Variants in RBFOX1 observed in about 807,000 individuals in gnomAD.
RBFOX1 encodes RNA binding protein fox-1 homolog 1.
A neutral mutation model predicts 57.7 loss-of-function variants in RBFOX1; 8 were observed. The ratio of observed to expected loss-of-function variants is 0.14; its 90% confidence interval spans 0.08 to 0.25. RBFOX1 has a LOEUF of 0.25. Ranked by LOEUF, RBFOX1 falls within the 10% of genes least tolerant of loss-of-function variation. The probability of loss-of-function intolerance (pLI) is 1.00; values close to 1 mark genes in which losing one functional copy is unlikely to be tolerated. For synonymous variants in RBFOX1, 326 were observed against 222.4 expected, an observed-to-expected ratio of 1.47 and a Z score of -4.15; for missense variants, 611 against 548.5, an observed-to-expected ratio of 1.11 and a Z score of -1.14.
chr16:6,804,085 C>T (rs183409547), intron 3 of RBFOX1, among the ~76,000 whole-genome samples: 1 of 152,010 alleles, frequency 6.6e-6, no homozygotes, highest in Non-Finnish European at 1.5e-5. Context: ...CAGCTCGCTG[C>T]AACCTCTGCC....
chr16:6,373,120 G>A (rs936820753), intron 2 of RBFOX1, among the ~76,000 whole-genome samples: 1 of 152,190 alleles, frequency 6.6e-6, no homozygotes, highest in African/African-American at 2.4e-5. Context: ...AGATTGGGTG[G>A]AAGTATAACT....
At chr16:6,157,251 A>C (rs1597877972) in intron 1 of RBFOX1, among the ~76,000 whole-genome samples, 1 of 152,302 alleles carries the variant, frequency 6.6e-6, no homozygotes, top group Admixed American at 6.5e-5. Context: ...TGATGATACA[A>C]CTTTCAGTGT....
chr16:6,303,171 A>G (rs2079024405), intron 1 of RBFOX1, among the ~76,000 whole-genome samples: 1 of 152,180 alleles, frequency 6.6e-6, no homozygotes, highest in African/African-American at 2.4e-5. Context: ...CTCAGGTTGA[A>G]ATGAATTCTG....
intron 3 of RBFOX1, among the ~76,000 whole-genome samples, chr16:6,879,871 G>A (rs891549934): frequency 6.6e-6 from 1 of 152,164 alleles, no homozygotes; most frequent in African/African-American, 2.4e-5. Flanking sequence ...TCTCATAAAT[G>A]TGCAATCTTG....
At chr16:7,496,470 A>G (rs569747407) in intron 4 of RBFOX1, among the ~76,000 whole-genome samples, 2 of 152,234 alleles carry the variant, frequency 1.3e-5, no homozygotes, top group South Asian at 4.1e-4. Flanking sequence ...AAATGGGGAT[A>G]GTGATATCTA....
At chr16:7,136,300 C>A (rs1376909304) in intron 4 of RBFOX1, among the ~76,000 whole-genome samples, 1 of 151,950 alleles carries the variant, frequency 6.6e-6, no homozygotes, top group East Asian at 1.9e-4. Context: ...CAGTTTGTCT[C>A]ATATTAGCCA....
intron 3 of RBFOX1, among the ~76,000 whole-genome samples, chr16:5,768,505 G>A (rs1330092725): frequency 6.6e-6 from 1 of 152,162 alleles, no homozygotes; most frequent in Admixed American, 6.5e-5. Flanking sequence ...ATAGCTACAG[G>A]TGCAAAATGC....
chr16:7,490,924 A>T (rs8057711), intron 4 of RBFOX1, among the ~76,000 whole-genome samples: 140,755 of 152,226 alleles, frequency 0.92, 66,092 homozygotes, highest in East Asian at 1. Flanking sequence ...ATTCTTAGAC[A>T]GTTTCAATCT....
chr16:6,891,226 T>C (rs1053127996), intron 3 of RBFOX1, among the ~76,000 whole-genome samples: 8 of 152,198 alleles, frequency 5.3e-5, no homozygotes, highest in African/African-American at 1.7e-4. Context: ...CTACAAATTA[T>C]AGAATATGAA....
intron 4 of RBFOX1, among the ~76,000 whole-genome samples, chr16:7,432,899 A>C (rs943754920): frequency 6.6e-6 from 1 of 152,238 alleles, no homozygotes; most frequent in Non-Finnish European, 1.5e-5. Context: ...CAGAATCAAC[A>C]GCCTTATGGT....
At chr16:7,422,380 G>C (rs542051176) in intron 4 of RBFOX1, among the ~76,000 whole-genome samples, 2 of 152,084 alleles carry the variant, frequency 1.3e-5, no homozygotes, top group East Asian at 1.9e-4. Context: ...GCAAGCAATC[G>C]GAGGTAATAA....
chr16:6,851,130 G>A (rs560758627), intron 3 of RBFOX1, among the ~76,000 whole-genome samples: 1 of 152,170 alleles, frequency 6.6e-6, no homozygotes, highest in Non-Finnish European at 1.5e-5. Flanking sequence ...TGGAAAAAAA[G>A]CCCATTTCTA....
At chr16:7,452,219 C>G (rs1011909350) in intron 4 of RBFOX1, among the ~76,000 whole-genome samples, 3 of 152,142 alleles carry the variant, frequency 2.0e-5, no homozygotes, top group Admixed American at 6.5e-5. Flanking sequence ...AAATGTCAGA[C>G]CTTTCAGCTG....
intron 4 of RBFOX1, among the ~76,000 whole-genome samples, chr16:5,906,531 G>A (rs926166644): frequency 6.6e-6 from 1 of 152,080 alleles, no homozygotes; most frequent in African/African-American, 2.4e-5. Context: ...ATACATGTTT[G>A]TTGTTTAAGC....
chr16:5,798,130 A>G (rs569760297), intron 3 of RBFOX1, among the ~76,000 whole-genome samples: 131 of 152,326 alleles, frequency 8.6e-4, no homozygotes, highest in African/African-American at 3.0e-3. Flanking sequence ...TTTGAAAGCC[A>G]GGGATAAAAA....
At chr16:7,127,026 A>T (rs918930964) in intron 4 of RBFOX1, among the ~76,000 whole-genome samples, 34 of 151,990 alleles carry the variant, frequency 2.2e-4, no homozygotes, top group African/African-American at 7.7e-4. Context: ...AAAAAAAAAA[A>T]AAATTATTGC....
At chr16:7,586,400 G>C (rs2094128380) in intron 6 of RBFOX1, among the ~76,000 whole-genome samples, 1 of 152,160 alleles carries the variant, frequency 6.6e-6, no homozygotes, top group Non-Finnish European at 1.5e-5. Context: ...AGAATTGCTT[G>C]ATGTACATTT....
chr16:6,729,987 A>C (rs554875837), intron 3 of RBFOX1, among the ~76,000 whole-genome samples: 2 of 152,146 alleles, frequency 1.3e-5, no homozygotes, highest in African/African-American at 2.4e-5. Context: ...AAATGACTAT[A>C]CTTGTTGAAT....
At chr16:5,934,199 C>T (rs1054578740) in intron 4 of RBFOX1, among the ~76,000 whole-genome samples, 5 of 152,206 alleles carry the variant, frequency 3.3e-5, no homozygotes, top group Non-Finnish European at 7.3e-5. Context: ...TTCCATTTTT[C>T]AAATCCTGTA....
Sources: allele counts gnomAD v4.1 joint callset (sites outside exome capture counted in the v4.1 genomes callset), GRCh38; gene constraint gnomAD v4.1.1; transcripts MANE v1.5; gene names NCBI Gene and HGNC (gene_info 2026-07-23, HGNC 2026-07-21).